LRP1B: variants seen among roughly 807,000 people sequenced by gnomAD.
LRP1B encodes the protein low-density lipoprotein receptor-related protein 1B.
In LRP1B, 217 loss-of-function variants were observed where a neutral mutation model predicts 556.6. The ratio of observed to expected loss-of-function variants is 0.39; its 90% CI spans 0.35 to 0.44. The LOEUF is 0.44. Among genes scored for constraint, LRP1B ranks in the 20% least tolerant of loss-of-function variants. The pLI is 1.00. For synonymous variants in LRP1B, 2,047 were observed against 1,865.8 expected, an observed-to-expected ratio of 1.10 and a Z score of -2.50; for missense variants, 5,053 against 5,620.8, an observed-to-expected ratio of 0.90 and a Z score of 3.23.
chr2:141,731,887 T>C (rs6713237), intron 2 of LRP1B, among the ~76,000 whole-genome samples: 125,367 of 152,060 alleles, frequency 0.82, 52,006 homozygotes, highest in East Asian at 0.89. Context: ...ATGTAGATGG[T>C]GACTTTCCTA....
intron 3 of LRP1B, among the ~76,000 whole-genome samples, chr2:141,339,184 T>C (rs1464631244): frequency 6.7e-6 from 1 of 149,004 alleles, no homozygotes; most frequent in African/African-American, 2.5e-5. Flanking sequence ...AAAAAAGATA[T>C]TGTTTTACTC....
At chr2:141,083,439 A>C (rs1699974073) in intron 7 of LRP1B, among the ~76,000 whole-genome samples, 1 of 152,052 alleles carries the variant, frequency 6.6e-6, no homozygotes, top group East Asian at 1.9e-4. Flanking sequence ...ACTAAATAAG[A>C]TAAAGTTTTT....
intron 3 of LRP1B, among the ~76,000 whole-genome samples, chr2:141,259,462 G>T (rs1684606158): frequency 6.6e-6 from 1 of 152,214 alleles, no homozygotes; most frequent in African/African-American, 2.4e-5. Context: ...ATAACGTAGA[G>T]AGTAATTGGT....
At chr2:140,742,307 T>C (rs547443332) in intron 35 of LRP1B, among the ~76,000 whole-genome samples, 2 of 152,276 alleles carry the variant, frequency 1.3e-5, no homozygotes, top group African/African-American at 4.8e-5. Context: ...TCCTCTCTTT[T>C]AAGAAACATT....
intron 1 of LRP1B, among the ~76,000 whole-genome samples, chr2:142,015,757 G>T (rs1457357514): frequency 6.6e-6 from 1 of 151,944 alleles, no homozygotes; most frequent in Non-Finnish European, 1.5e-5. Flanking sequence ...ACTTTGGGAG[G>T]CCGAGGCGGG....
chr2:141,378,998 A>G lies in LRP1B; in HGVS notation c.343+101398T>C, dbSNP rs576335525. Among the ~76,000 whole-genome samples the G allele has an allele frequency of 3.3e-5, 5 of 152,334 alleles. No individual in the cohort carries two copies. In the East Asian group the frequency reaches 7.7e-4, roughly 24 times the overall value. Reference sequence around the variant, plus strand: ...GAAAACTTCTAAAATTTGATAAAGTATACACATTCAAGAAACCCAACAAAT... The same window carrying G: ...GAAAACTTCTAAAATTTGATAAAGTGTACACATTCAAGAAACCCAACAAAT... On this transcript the variant is annotated intron_variant, in intron 3 of 90. Transcript: ENST00000389484.
rs1245518495 is a variant in LRP1B, at chr2:140,356,411, T to C, written c.11461A>G (p.Ile3821Val). The change falls in exon 75 of 91, where the codon ATA becomes GTA. Residue 3821 changes from isoleucine (I) to valine (V), a missense_variant. Physicochemically the swap from Ile to Val is conservative, Grantham distance 29. Around this residue, in one of 5 missense-constraint regions of LRP1B, gnomAD observed 599 missense variants for 648.4 expected, o/e 0.92. Coordinates refer to ENST00000389484, the MANE Select transcript of LRP1B (RefSeq NM_018557.3). ...PCGDDAYCNQ[I>V]KTSVFCRCKP... Reference sequence around the variant, plus strand: ...CAGCGACAGAAAACAGATGTTTTTATTTGATTACAATATGCATCATCTCCA... The same window carrying C: ...CAGCGACAGAAAACAGATGTTTTTACTTGATTACAATATGCATCATCTCCA... 1.2e-6 allele frequency: 2 copies of C among 1,610,180 alleles called. No homozygotes were observed. Among genetic ancestry groups the C allele is most frequent in the Non-Finnish European group, 1.7e-6 (2 of 1,177,050 alleles).
intron 41 of LRP1B, among the ~76,000 whole-genome samples, chr2:140,613,005 T>TTCTTC (rs1454706393): frequency 2.0e-5 from 3 of 151,664 alleles, no homozygotes; most frequent in African/African-American, 7.3e-5. Flanking sequence ...TTTTTTTCTT[T>TTCTTC]TCTTCCTATA....
intron 3 of LRP1B, among the ~76,000 whole-genome samples, chr2:141,330,385 G>C (rs570903947): frequency 1.3e-5 from 2 of 152,172 alleles, no homozygotes; most frequent in South Asian, 4.1e-4. Context: ...GGTCATCATA[G>C]TATTCTATAT....
At chr2:141,270,770 C>T (rs1341101280) in intron 3 of LRP1B, among the ~76,000 whole-genome samples, 1 of 151,660 alleles carries the variant, frequency 6.6e-6, no homozygotes, top group African/African-American at 2.4e-5. Context: ...TGGTGGGTGC[C>T]AGAGGGTAGG....
intron 35 of LRP1B, among the ~76,000 whole-genome samples, chr2:140,724,552 A>G (rs1687522448): frequency 6.6e-6 from 1 of 152,188 alleles, no homozygotes; most frequent in Non-Finnish European, 1.5e-5. Flanking sequence ...AAAATTCTAT[A>G]TAAAGTGTGT....
chr2:141,502,142 G>A (rs1023557065), intron 2 of LRP1B, among the ~76,000 whole-genome samples: 12 of 152,236 alleles, frequency 7.9e-5, no homozygotes, highest in Admixed American at 3.3e-4. Context: ...AGTCCATTTC[G>A]AAATACTCAT....
intron 27 of LRP1B, among the ~76,000 whole-genome samples, chr2:140,867,367 G>C (rs1378269333): frequency 6.6e-6 from 1 of 151,470 alleles, no homozygotes; most frequent in African/African-American, 2.4e-5. Context: ...GGCATCTTAG[G>C]AATTAAGATG....
rs747870984 is a variant in LRP1B, at chr2:140,356,430, A to G, written c.11442T>C (p.Asp3814=). ...TTTTTATTTGATTACAATATGCATCATCTCCACATGGATTCACATTATCTT... is the reference window on the plus strand; with the variant it reads ...TTTTTATTTGATTACAATATGCATCGTCTCCACATGGATTCACATTATCTT... ...TCEDNVNPCG[D]DAYCNQIKTS... The change falls in exon 75 of 91, where the codon GAT becomes GAC. Residue 3814 remains aspartate, a synonymous_variant. Transcript: ENST00000389484. 2 of 1,608,246 alleles carry G rather than the reference A, an allele frequency of 1.2e-6. No individual in the cohort carries two copies. Among genetic ancestry groups the G allele is most frequent in the African/African-American group, 2.7e-5 (2 of 74,662 alleles).
intron 81 of LRP1B, 61 bp from the exon 82 acceptor site, chr2:140,322,149 A>G: frequency 2.0e-6 from 3 of 1,463,998 alleles, no homozygotes; most frequent in Non-Finnish European, 2.8e-6. Flanking sequence ...CTTCAAAAGC[A>G]TAAAATTAAA....
At chr2:140,960,255 G>A (rs1270417764) in intron 18 of LRP1B, among the ~76,000 whole-genome samples, 2 of 151,616 alleles carry the variant, frequency 1.3e-5, no homozygotes, top group East Asian at 1.9e-4. Flanking sequence ...ACTTAACTTT[G>A]ATAATACCCA....
chr2:142,036,190 A>G (rs1703871929), intron 1 of LRP1B, among the ~76,000 whole-genome samples: 2 of 151,678 alleles, frequency 1.3e-5, no homozygotes. Context: ...GGAACATACA[A>G]GACTTCATCA....
chr2:141,752,372 C>A (rs935926491), intron 2 of LRP1B, among the ~76,000 whole-genome samples: 1 of 152,108 alleles, frequency 6.6e-6, no homozygotes. Flanking sequence ...ACTCTGGAGG[C>A]CTGGCATACT....
intron 43 of LRP1B, among the ~76,000 whole-genome samples, chr2:140,562,903 A>C (rs1680984137): frequency 6.6e-6 from 1 of 152,168 alleles, no homozygotes; most frequent in Admixed American, 6.5e-5. Flanking sequence ...AGCATGAGCC[A>C]CCATGCCCCA....
Sources: allele counts gnomAD v4.1 joint callset (sites outside exome capture counted in the v4.1 genomes callset), GRCh38; gene constraint gnomAD v4.1.1; regional missense constraint gnomAD v4.1.1; transcripts MANE v1.5; gene names NCBI Gene and HGNC (gene_info 2026-07-23, HGNC 2026-07-21).